NEK11: variants seen among roughly 807,000 people sequenced by gnomAD.
The protein encoded by NEK11 is serine/threonine-protein kinase Nek11.
A neutral mutation model predicts 80.7 loss-of-function variants in NEK11; 72 were observed. That is an observed-to-expected ratio of 0.89 (90% CI 0.74 to 1.08). The LOEUF (loss-of-function observed/expected upper bound fraction) is 1.08, where lower values mean the gene tolerates loss of function less well. Ranked by LOEUF, NEK11 falls within the 50% of genes least tolerant of loss-of-function variation. The pLI is 0.00. For synonymous variants in NEK11, 251 were observed against 260.7 expected, an observed-to-expected ratio of 0.96 and a Z score of 0.36; for missense variants, 764 against 763.6, an observed-to-expected ratio of 1.00 and a Z score of -0.01.
At chr3:131,285,298 A>AG in intron 17 of NEK11, among the ~76,000 whole-genome samples, 1 of 150,998 alleles carries the variant, frequency 6.6e-6, no homozygotes, top group African/African-American at 2.5e-5. Flanking sequence ...GTAGAGAGAG[A>AG]AGGTGGGCTG....
chr3:131,321,440 T>C (rs969344816), intron 17 of NEK11, among the ~76,000 whole-genome samples: 1 of 152,082 alleles, frequency 6.6e-6, no homozygotes, highest in African/African-American at 2.4e-5. Flanking sequence ...ACATCAGCCT[T>C]GGGAAATAAT....
chr3:131,042,524 A>C (rs188532456), intron 3 of NEK11, among the ~76,000 whole-genome samples: 361 of 152,334 alleles, frequency 2.4e-3, no homozygotes, highest in African/African-American at 8.4e-3. Context: ...AGCCTACTGC[A>C]GTGCCACAAA....
intron 3 of NEK11, among the ~76,000 whole-genome samples, chr3:131,068,858 A>C (rs2072588249): frequency 3.9e-5 from 6 of 152,168 alleles, no homozygotes; most frequent in Admixed American, 3.9e-4. Flanking sequence ...TAAGACCCAG[A>C]ATCAGTGTTT....
rs757380345 is a variant in NEK11 at position 131,228,551 on chromosome 3, G to A, written c.1423G>A (p.Ala475Thr). Residue 475 changes from alanine (A) to threonine (T), a missense_variant, in exon 15 of 18, where the codon GCT becomes ACT. Ala to Thr is a moderately conservative substitution (Grantham distance 58). Coordinates refer to ENST00000383366, the MANE Select transcript of NEK11 (RefSeq NM_024800.5). ...YHEIPEDPLVAEEYYADAFDS... is the reference protein window; with the variant it reads ...YHEIPEDPLVTEEYYADAFDS... ...AGAGATCCCAGAAGACCCACTTGTG[G>A]CTGAAGAGTACTACGCTGATGCATT... The A allele has an allele frequency of 3.1e-5, 50 of 1,609,966 alleles. No homozygotes were observed. Among genetic ancestry groups the A allele is most frequent in the Non-Finnish European group, 3.7e-5 (44 of 1,178,078 alleles).
intron 15 of NEK11, among the ~76,000 whole-genome samples, chr3:131,240,041 A>G (rs1433088841): frequency 3.9e-5 from 6 of 152,158 alleles, no homozygotes; most frequent in African/African-American, 1.2e-4. Flanking sequence ...AACTTGGTCA[A>G]TATTTTTCTT....
chr3:131,145,880 T>TA (rs1560625842), intron 7 of NEK11, among the ~76,000 whole-genome samples: 1 of 152,134 alleles, frequency 6.6e-6, no homozygotes, highest in Non-Finnish European at 1.5e-5. Flanking sequence ...GTTAATGAGT[T>TA]AAAATATGAA....
In NEK11 at chr3:131,349,811, C is replaced by A. The variant is rs756140102; in HGVS notation, c.*35C>A. ...AAAAAGAAGCAGAAGTTCAAGTGGA[C>A]AAATTTATGTGAAAATTCATTTAAC... On this transcript the variant is annotated 3_prime_UTR_variant, in exon 18 of 18. Transcript: ENST00000383366. 6.7e-7 allele frequency: 1 copy of A among 1,490,604 alleles called. No individual in the cohort carries two copies. The allele number at this position is 1,490,604 out of a possible 1,614,324, so 92.3% of individuals were successfully genotyped here.
chr3:131,245,810 T>G (rs1171761858), intron 16 of NEK11, among the ~76,000 whole-genome samples: 2 of 152,020 alleles, frequency 1.3e-5, no homozygotes, highest in Non-Finnish European at 2.9e-5. Flanking sequence ...GGTTTTTTTG[T>G]TTTTTGTTTT....
chr3:131,084,773 A>G (rs968680746), intron 4 of NEK11, among the ~76,000 whole-genome samples: 3 of 152,214 alleles, frequency 2.0e-5, no homozygotes, highest in Admixed American at 1.3e-4. Context: ...CTGAAGAGCT[A>G]TCAAAAATCC....
At chr3:131,248,406 A>C (rs1287951729) in intron 16 of NEK11, among the ~76,000 whole-genome samples, 1 of 152,148 alleles carries the variant, frequency 6.6e-6, no homozygotes, top group Non-Finnish European at 1.5e-5. Flanking sequence ...TTTATGGAGT[A>C]CATGAGATTT....
intron 7 of NEK11, among the ~76,000 whole-genome samples, chr3:131,148,979 T>C (rs1316118666): frequency 6.6e-6 from 1 of 152,052 alleles, no homozygotes; most frequent in Non-Finnish European, 1.5e-5. Flanking sequence ...ATTTATCATT[T>C]CTTTGTGTTG....
chr3:131,033,235 A>G (rs560161660), intron 3 of NEK11, among the ~76,000 whole-genome samples: 1 of 152,242 alleles, frequency 6.6e-6, no homozygotes, highest in East Asian at 1.9e-4. Flanking sequence ...AGCAAAGCAC[A>G]TTATTAGCAC....
intron 5 of NEK11, among the ~76,000 whole-genome samples, chr3:131,125,684 A>C (rs1253071740): frequency 1.3e-5 from 2 of 152,316 alleles, no homozygotes; most frequent in South Asian, 2.1e-4. Context: ...ACAGCACATA[A>C]CATCTAGTTG....
chr3:131,114,351 A>G (rs1199984804), intron 5 of NEK11, among the ~76,000 whole-genome samples: 1 of 152,132 alleles, frequency 6.6e-6, no homozygotes, highest in Non-Finnish European at 1.5e-5. Flanking sequence ...GCACTAAAAC[A>G]TGTTCTTGCC....
chr3:131,095,375 G>T (rs982573339), intron 4 of NEK11, among the ~76,000 whole-genome samples: 6 of 151,982 alleles, frequency 3.9e-5, no homozygotes, highest in Admixed American at 3.9e-4. Context: ...AAAAATTTAG[G>T]TTTATAGTTG....
intron 17 of NEK11, among the ~76,000 whole-genome samples, chr3:131,286,259 G>C (rs2096469193): frequency 6.6e-6 from 1 of 152,186 alleles, no homozygotes; most frequent in Non-Finnish European, 1.5e-5. Context: ...CCAGGGTTGG[G>C]GTGTAGGGGG....
chr3:131,256,130 G>A (rs138861271), intron 16 of NEK11, among the ~76,000 whole-genome samples: 6 of 152,164 alleles, frequency 3.9e-5, no homozygotes, highest in East Asian at 3.9e-4. Flanking sequence ...AGTAAATTTC[G>A]GTATTCTATT....
At chr3:131,034,945 C>A (rs1424734271) in intron 3 of NEK11, among the ~76,000 whole-genome samples, 1 of 152,154 alleles carries the variant, frequency 6.6e-6, no homozygotes, top group African/African-American at 2.4e-5. Context: ...TGTGTATTTT[C>A]CCCTTGGTCC....
intron 17 of NEK11, among the ~76,000 whole-genome samples, chr3:131,339,147 C>G (rs1452285053): frequency 2.0e-5 from 3 of 152,066 alleles, no homozygotes. Context: ...GATTGAAAGC[C>G]CTTAAAAAGA....
Sources: allele counts gnomAD v4.1 joint callset (sites outside exome capture counted in the v4.1 genomes callset), GRCh38; gene constraint gnomAD v4.1.1; transcripts MANE v1.5; gene names NCBI Gene and HGNC (gene_info 2026-07-23, HGNC 2026-07-21).